Variants in RREB1 observed in about 807,000 individuals in gnomAD.
RREB1 encodes the protein ras responsive element binding protein 1.
A neutral mutation model predicts 117.8 loss-of-function variants in RREB1; 27 were observed. That is an observed-to-expected ratio of 0.23 (90% CI 0.17 to 0.32). RREB1 has a LOEUF of 0.32. Among genes scored for constraint, RREB1 ranks in the 10% least tolerant of loss-of-function variants. The pLI, the probability that RREB1 is intolerant of heterozygous loss-of-function variation, is 1.00. For missense variants in RREB1, 2,577 were observed against 2,378.2 expected (o/e 1.08, Z -1.74); for synonymous variants, 1,298 against 1,026.7 (o/e 1.26, Z -5.05).
At chr6:7,210,989 C>G (rs1766553906) in intron 7 of RREB1, 41 bp downstream of exon 7, 3 of 1,583,878 alleles carry the variant, frequency 1.9e-6, no homozygotes, top group Non-Finnish European at 2.6e-6. Flanking sequence ...GCTCAGGGGA[C>G]TTCTGTCAGA....
At chr6:7,130,823 G>T (rs1686580250) in intron 1 of RREB1, among the ~76,000 whole-genome samples, 1 of 151,858 alleles carries the variant, frequency 6.6e-6, no homozygotes, top group African/African-American at 2.4e-5. Context: ...TACCATGTCG[G>T]CCAGGCTGGT....
chr6:7,239,118 C>G (rs1768521680), intron 10 of RREB1, among the ~76,000 whole-genome samples: 1 of 152,230 alleles, frequency 6.6e-6, no homozygotes, highest in Non-Finnish European at 1.5e-5. Context: ...GCCTTGGGCA[C>G]CTGCACTAGT....
chr6:7,122,839 C>T (rs894309233), intron 1 of RREB1, among the ~76,000 whole-genome samples: 4 of 152,066 alleles, frequency 2.6e-5, no homozygotes, highest in African/African-American at 9.7e-5. Flanking sequence ...AGATAATTGC[C>T]TTGTCATGAA....
chr6:7,181,787 T>C (rs944142092), intron 3 of RREB1, 83 bp from the exon 4 acceptor site: 3 of 933,616 alleles, frequency 3.2e-6, no homozygotes, highest in Non-Finnish European at 5.2e-6. Context: ...GAATTACAAT[T>C]AGAGTAGCCA....
intron 11 of RREB1, among the ~76,000 whole-genome samples, chr6:7,244,745 G>A (rs1768907980): frequency 1.3e-5 from 2 of 152,200 alleles, no homozygotes; most frequent in African/African-American, 4.8e-5. Flanking sequence ...GATGTAAGTA[G>A]CCGCGTTATG....
chr6:7,221,105 C>G (rs1310715862), intron 8 of RREB1, among the ~76,000 whole-genome samples: 4 of 152,038 alleles, frequency 2.6e-5, no homozygotes, highest in Non-Finnish European at 5.9e-5. Flanking sequence ...GTTTTCCACA[C>G]TGGTTTTATT....
At position 7,248,065 on chromosome 6, in the gene RREB1, G is replaced by A. The variant is rs536596058; in HGVS notation, c.4772-446G>A. On this transcript the variant is annotated intron_variant, in intron 12 of 12. Coordinates refer to ENST00000379938, the MANE Select transcript of RREB1 (RefSeq NM_001003699.4). The stretch of plus-strand genomic sequence containing the variant: ...TGGTGGGCCCTGCCCTGGGCCTGGC[G>A]TGTGAGCCATCAGGAAAGCCCCCGC... Among the ~76,000 whole-genome samples the A allele has an allele frequency of 5.3e-5, 8 of 152,344 alleles. No homozygotes were observed. In the South Asian group the frequency reaches 8.3e-4, roughly 16 times the overall value.
chr6:7,153,444 A>ACACAC (rs1554118520), intron 1 of RREB1, among the ~76,000 whole-genome samples: 2 of 151,692 alleles, frequency 1.3e-5, no homozygotes, highest in Non-Finnish European at 2.9e-5. Flanking sequence ...ACACACACAC[A>ACACAC]AATCCTCCAA....
intron 1 of RREB1, among the ~76,000 whole-genome samples, chr6:7,111,420 A>G (rs1761139341): frequency 6.6e-6 from 1 of 152,162 alleles, no homozygotes; most frequent in African/African-American, 2.4e-5. Context: ...GAATTGGTTA[A>G]ATATATTCTT....
At chr6:7,128,684 TG>T (rs1321113028) in intron 1 of RREB1, among the ~76,000 whole-genome samples, 3 of 151,288 alleles carry the variant, frequency 2.0e-5, no homozygotes, top group Non-Finnish European at 4.4e-5. Context: ...TTGTTTGTCT[TG>T]GGGCCGGGCG....
chr6:7,222,501 G>A (rs1767323218), intron 8 of RREB1, among the ~76,000 whole-genome samples: 1 of 152,142 alleles, frequency 6.6e-6, no homozygotes, highest in Admixed American at 6.5e-5. Flanking sequence ...CCTTCCCAGG[G>A]ACACAGAGTT....
chr6:7,109,433 G>C (rs2113266769), intron 1 of RREB1, among the ~76,000 whole-genome samples: 1 of 152,038 alleles, frequency 6.6e-6, no homozygotes, highest in Admixed American at 6.5e-5. Context: ...AGGGCGCGTC[G>C]AGGATGTGAC....
chr6:7,202,811 C>T (rs913588253), intron 6 of RREB1, among the ~76,000 whole-genome samples: 2 of 152,162 alleles, frequency 1.3e-5, no homozygotes, highest in African/African-American at 4.8e-5. Flanking sequence ...TCTGGACTCA[C>T]CCAGGAAGGT....
intron 1 of RREB1, among the ~76,000 whole-genome samples, chr6:7,174,828 C>T (rs1418299710): frequency 2.6e-5 from 4 of 152,282 alleles, no homozygotes; most frequent in African/African-American, 9.6e-5. Context: ...AGGCTGGTCA[C>T]AAACTCCTGA....
intron 6 of RREB1, among the ~76,000 whole-genome samples, chr6:7,194,895 C>A (rs770237029): frequency 1.3e-5 from 2 of 152,148 alleles, no homozygotes; most frequent in Admixed American, 6.5e-5. Flanking sequence ...TGTGTGATCC[C>A]AGACAAGTTA....
At chr6:7,169,108 A>G (rs1764094501) in intron 1 of RREB1, among the ~76,000 whole-genome samples, 3 of 152,142 alleles carry the variant, frequency 2.0e-5, no homozygotes, top group Admixed American at 6.6e-5. Context: ...ACTTATAGCA[A>G]CATTCTTTTC....
intron 6 of RREB1, among the ~76,000 whole-genome samples, chr6:7,201,587 A>G (rs1386683835): frequency 7.3e-6 from 1 of 136,064 alleles, no homozygotes; most frequent in Non-Finnish European, 1.5e-5. Flanking sequence ...ACGGATCCTC[A>G]TCTCACCTTT....
At position 7,231,433 on chromosome 6, in the gene RREB1, G is replaced by A. The variant is rs371866532; in HGVS notation, c.3334G>A (p.Ala1112Thr). ...CTTAGGAGGTTCTGTCCCCAAAGCC[G>A]CCACCACCGCCACCCCCGCTGCCAC... ...DSLGGSVPKA[A>T]TTATPAATTS... is the part of the protein sequence containing the mutation. The change falls in exon 10 of 13, where the codon GCC (alanine) becomes ACC (threonine). Residue 1112 changes from alanine (A) to threonine (T), a missense_variant. Coordinates refer to ENST00000379938, the MANE Select transcript of RREB1 (RefSeq NM_001003699.4). 31 of 1,612,444 alleles carry A rather than the reference G, an allele frequency of 1.9e-5. No individual in the cohort carries two copies. In the African/African-American group the frequency reaches 2.4e-4, roughly 12 times the overall value.
Position 7,226,647 on chromosome 6 carries a change from C to T in RREB1, c.888C>T (p.Arg296=), listed in dbSNP as rs762838615. The T allele has an allele frequency of 4.3e-6, 7 of 1,613,554 alleles. No individual in the cohort carries two copies. The Admixed American group carries it at 1.2e-4, about 27-fold the overall frequency. ...ACTTCTCCTGTAGGAAGTTTCCTCG[C>T]ATTTCTCAGGTATTCTGATCAGCCC... ...FTDFSCRKFP[R]ISQAWCETNL... The change falls in exon 9 of 13, where the codon CGC becomes CGT. Residue 296 remains arginine (R), a synonymous_variant. Coordinates refer to ENST00000379938, the MANE Select transcript of RREB1 (RefSeq NM_001003699.4).
Sources: gnomAD v4.1 joint callset for allele counts (sites outside exome capture counted in the v4.1 genomes callset) on GRCh38, gnomAD v4.1.1 for gene constraint, MANE v1.5 for transcripts, NCBI Gene and HGNC (gene_info 2026-07-23, HGNC 2026-07-21) for gene names.